SAFB: variants seen among roughly 807,000 people sequenced by gnomAD.
The protein encoded by SAFB is scaffold attachment factor B.
SAFB carries 15 observed loss-of-function variants against 101.6 expected under a neutral mutation model. The observed-to-expected ratio is 0.15, with a 90% CI of 0.10 to 0.23. The LOEUF (loss-of-function observed/expected upper bound fraction) is 0.23. SAFB is among the 10% of genes least tolerant of loss of function. The probability of loss-of-function intolerance (pLI) is 1.00; values close to 1 mark genes in which losing one functional copy is unlikely to be tolerated. For synonymous variants in SAFB, 449 were observed against 407.5 expected (o/e 1.10, Z -1.23); for missense variants, 930 against 1,104.1 (o/e 0.84, Z 2.23).
chr19:5,642,206 G>A (rs185594767), intron 4 of SAFB, among the ~76,000 whole-genome samples: 3 of 152,332 alleles, frequency 2.0e-5, no homozygotes, highest in East Asian at 3.9e-4. Flanking sequence ...TCTTCCTGTT[G>A]CCGGACTTGA....
At chr19:5,660,914 G>A (rs959048481) in intron 14 of SAFB, among the ~76,000 whole-genome samples, 5 of 145,296 alleles carry the variant, frequency 3.4e-5, no homozygotes, top group African/African-American at 1.0e-4. Flanking sequence ...ACACTCACTC[G>A]CTATGAAGCA....
chr19:5,653,923 T>C (rs867101563), intron 11 of SAFB, 138 bp from the exon 12 acceptor site: 117 of 683,736 alleles, frequency 1.7e-4, no homozygotes, highest in Middle Eastern at 7.8e-4. Flanking sequence ...GTGGTTTTAG[T>C]AGAGATGGGG....
Position 5,667,099 on chromosome 19 carries a change from T to C in SAFB, c.2388T>C (p.Asp796=). The C allele has an allele frequency of 6.2e-7, 1 of 1,612,718 alleles. No individual in the cohort carries two copies. The highest frequency in any genetic ancestry group is 8.5e-7 in the Non-Finnish European group (1 of 1,179,596). ...GPERHGRDSR[D]GWGGYGSDKR... ...AGCGCCACGGCCGGGACTCCCGCGA[T>C]GGCTGGGGGGGCTATGGCTCTGACA... Residue 796 remains aspartate, a synonymous_variant, in exon 18 of 21, where the codon GAT becomes GAC. Transcript: ENST00000588852. This position sits in a 1 kb window ranked among gnomAD's most constrained non-coding sequence, Gnocchi z 4.0.
intron 15 of SAFB, 73 bp from the exon 16 acceptor site, chr19:5,663,949 C>A: frequency 2.0e-6 from 3 of 1,513,222 alleles, no homozygotes; most frequent in East Asian, 2.3e-5. Flanking sequence ...GTGCTAGGGG[C>A]CAGCTCCCAC....
intron 15 of SAFB, among the ~76,000 whole-genome samples, chr19:5,663,612 C>T (rs2145492406): frequency 1.3e-5 from 2 of 151,218 alleles, no homozygotes; most frequent in Middle Eastern, 3.4e-3. Context: ...TGCAGCAGTA[C>T]ATGGCCAGGG....
intron 9 of SAFB, among the ~76,000 whole-genome samples, chr19:5,651,705 CCCTT>C (rs762058065): frequency 6.6e-6 from 1 of 152,224 alleles, no homozygotes; most frequent in East Asian, 1.9e-4. Context: ...CTTTCTCACT[CCCTT>C]CCTCCCTGGT....
intron 6 of SAFB, chr19:5,648,501 T>G (rs1312325173): frequency 3.6e-6 from 1 of 278,300 alleles, no homozygotes; most frequent in Non-Finnish European, 6.9e-6. Context: ...GAGGAAAGAG[T>G]GTCTTCATGA....
intron 7 of SAFB, 126 bp from the exon 8 acceptor site, chr19:5,649,800 G>T: frequency 1.1e-6 from 1 of 888,146 alleles, no homozygotes; most frequent in Non-Finnish European, 1.8e-6. Flanking sequence ...ATACAAGTTT[G>T]TCGGGGTATC....
chr19:5,657,102 A>G, intron 13 of SAFB, 139 bp from the exon 14 acceptor site: 1 of 616,660 alleles, frequency 1.6e-6, no homozygotes, highest in East Asian at 2.8e-5. Flanking sequence ...TCAAGGTTTC[A>G]CCATGTTGGC....
rs750410132 is a variant in SAFB, at chr19:5,654,194, A to G, written c.1660A>G (p.Lys554Glu). 10 of 1,614,162 alleles carry G rather than the reference A, an allele frequency of 6.2e-6. No individual in the cohort carries two copies. The highest frequency in any genetic ancestry group is 8.5e-6 in the Non-Finnish European group (10 of 1,180,014). Residue 554 changes from lysine to glutamate, a missense_variant, in exon 12 of 21, where the codon AAG becomes GAG. Transcript: ENST00000588852. ...CCCCTCAGAGCGATCTCGAGCCACA[A>G]AGTCAGGTGGGCAGCTCATGAGCCC... Reference protein sequence around the residue: ...PGPSERSRATKSGSRGTERTV... With the variant: ...PGPSERSRATESGSRGTERTV...
chr19:5,658,781 TGTG>T (rs200089414), intron 14 of SAFB, among the ~76,000 whole-genome samples: 5,682 of 149,816 alleles, frequency 0.038, 383 homozygotes, highest in African/African-American at 0.13. Flanking sequence ...AGGCAGAGCT[TGTG>T]GTGAGCCAAG....
At chr19:5,638,243 T>C (rs1417468728) in intron 2 of SAFB, among the ~76,000 whole-genome samples, 1 of 152,220 alleles carries the variant, frequency 6.6e-6, no homozygotes, top group African/African-American at 2.4e-5. Flanking sequence ...CATTGTTGGC[T>C]GACAGGAGAA....
At chr19:5,630,159 T>A (rs111711323) in intron 2 of SAFB, among the ~76,000 whole-genome samples, 50 of 152,238 alleles carry the variant, frequency 3.3e-4, no homozygotes, top group Non-Finnish European at 5.3e-4. Context: ...CCTTGTTGCC[T>A]GTTATATAGA....
At chr19:5,650,600 A>G (rs2053917737) in intron 8 of SAFB, among the ~76,000 whole-genome samples, 1 of 152,134 alleles carries the variant, frequency 6.6e-6, no homozygotes, top group African/African-American at 2.4e-5. Flanking sequence ...TTTAGTAGAC[A>G]TGGGGTTTCA....
chr19:5,650,333 G>C (rs1252536836), intron 8 of SAFB, among the ~76,000 whole-genome samples: 1 of 152,198 alleles, frequency 6.6e-6, no homozygotes, highest in Non-Finnish European at 1.5e-5. Context: ...CGTGGAAAGA[G>C]AAACAGTGCA....
Position 5,654,076 on chromosome 19 carries a change from G to A in SAFB, c.1542G>A (p.Lys514=). 1.2e-6 allele frequency: 2 copies of A among 1,614,148 alleles called. No homozygotes were observed. Among genetic ancestry groups the A allele is most frequent in the Non-Finnish European group, 1.7e-6 (2 of 1,180,008 alleles). The part of the protein sequence containing the change: ...SSNSDRSTNL[K]RDDKCDRKDD... ...TTTTTTATAGATCTACAAACCTTAAGAGGGATGATAAATGTGACAGAAAAG... is the reference window on the plus strand; with the variant it reads ...TTTTTTATAGATCTACAAACCTTAAAAGGGATGATAAATGTGACAGAAAAG... Residue 514 remains lysine (K), a synonymous_variant, in exon 12 of 21, where the codon AAG becomes AAA. Coordinates refer to ENST00000588852, the MANE Select transcript of SAFB (RefSeq NM_001201338.2).
chr19:5,661,501 G>A lies in SAFB; in HGVS notation c.1863-17G>A, dbSNP rs767777814. Reference sequence around the variant, plus strand: ...GGGGGTGTCTAGGTCCCCTTCTGCAGCTCTACTGTTGTGCAGCAGGGTGCG... The same window carrying A: ...GGGGGTGTCTAGGTCCCCTTCTGCAACTCTACTGTTGTGCAGCAGGGTGCG... On this transcript the variant is annotated splice_polypyrimidine_tract_variant and intron_variant, in intron 14 of 20. Transcript: ENST00000588852. 1.3e-5 allele frequency: 21 copies of A among 1,610,468 alleles called. No homozygotes were observed. In the African/African-American group the frequency reaches 2.3e-4, roughly 17 times the overall value.
chr19:5,640,597 GTTTTGTTTTT>G (rs1055205858), intron 2 of SAFB, among the ~76,000 whole-genome samples: 2 of 151,798 alleles, frequency 1.3e-5, no homozygotes, highest in Admixed American at 6.6e-5. Flanking sequence ...GTTTTGTTTT[GTTTTGTTTTT>G]GAGACAGAGT....
chr19:5,634,905 A>G (rs2053562770), intron 2 of SAFB, among the ~76,000 whole-genome samples: 1 of 152,096 alleles, frequency 6.6e-6, no homozygotes, highest in Admixed American at 6.5e-5. Context: ...TGGGAGGCTG[A>G]GGTGGGCGGG....
Sources: allele counts gnomAD v4.1 joint callset (sites outside exome capture counted in the v4.1 genomes callset), GRCh38; gene constraint gnomAD v4.1.1; non-coding constraint Gnocchi (gnomAD v3.1); transcripts MANE v1.5; gene names NCBI Gene and HGNC (gene_info 2026-07-23, HGNC 2026-07-21).